The following NALF1 variants were observed in gnomAD, a reference collection of about 807,000 sequenced individuals.
NALF1 encodes family with sequence similarity 155 member A.
In NALF1, 3 loss-of-function variants were observed where a neutral mutation model predicts 48.4. The observed-to-expected ratio is 0.06, with a 90% CI of 0.03 to 0.16. The LOEUF (loss-of-function observed/expected upper bound fraction) is 0.16, where lower values mean the gene tolerates loss of function less well. Ranked by LOEUF, NALF1 falls within the 10% of genes least tolerant of loss-of-function variation. The pLI is 1.00. For synonymous variants in NALF1, 262 were observed against 245.7 expected (o/e 1.07, Z -0.62); for missense variants, 526 against 571.5 (o/e 0.92, Z 0.81).
chr13:107,626,794 A>G (rs1300088978), intron 1 of NALF1, among the ~76,000 whole-genome samples: 2 of 151,976 alleles, frequency 1.3e-5, no homozygotes, highest in African/African-American at 4.8e-5. Flanking sequence ...GGGTGGGAGG[A>G]GGAGACATGA....
At chr13:107,504,994 G>A (rs759467206) in intron 1 of NALF1, among the ~76,000 whole-genome samples, 1 of 152,180 alleles carries the variant, frequency 6.6e-6, no homozygotes, top group Non-Finnish European at 1.5e-5. Flanking sequence ...TGCTCTAGCA[G>A]GGAAAACAGA....
chr13:107,405,367 T>C (rs1883880556), intron 1 of NALF1, among the ~76,000 whole-genome samples: 1 of 152,128 alleles, frequency 6.6e-6, no homozygotes, highest in African/African-American at 2.4e-5. Context: ...CATCTCACTA[T>C]ATCCATTATT....
At chr13:107,484,001 A>G (rs1594087730) in intron 1 of NALF1, among the ~76,000 whole-genome samples, 1 of 152,096 alleles carries the variant, frequency 6.6e-6, no homozygotes. Context: ...TTTGAAGATT[A>G]AATGTTTTAT....
intron 1 of NALF1, among the ~76,000 whole-genome samples, chr13:107,575,800 T>C (rs1878123117): frequency 6.6e-6 from 1 of 152,144 alleles, no homozygotes; most frequent in South Asian, 2.1e-4. Flanking sequence ...TTACTTTTCA[T>C]CTGTAACATA....
At chr13:107,703,816 CT>C (rs1323010425) in intron 1 of NALF1, among the ~76,000 whole-genome samples, 1 of 152,186 alleles carries the variant, frequency 6.6e-6, no homozygotes, top group African/African-American at 2.4e-5. Context: ...GTGAAACCCC[CT>C]GTTCCCTACA....
chr13:107,511,266 G>A (rs896379686), intron 1 of NALF1, among the ~76,000 whole-genome samples: 14 of 152,160 alleles, frequency 9.2e-5, no homozygotes, highest in African/African-American at 3.4e-4. Context: ...AGTGTGACTA[G>A]ATCGTATTGT....
intron 1 of NALF1, among the ~76,000 whole-genome samples, chr13:107,497,430 A>G (rs1417821955): frequency 6.6e-6 from 1 of 152,156 alleles, no homozygotes; most frequent in Non-Finnish European, 1.5e-5. Flanking sequence ...TTCATTATGT[A>G]ATATTGCTGT....
chr13:107,203,006 A>G (rs1879553272), intron 2 of NALF1, among the ~76,000 whole-genome samples: 1 of 152,222 alleles, frequency 6.6e-6, no homozygotes, highest in African/African-American at 2.4e-5. Context: ...AGATTGACTG[A>G]ATCTATAATT....
At chr13:107,319,527 G>C (rs553986960) in intron 1 of NALF1, among the ~76,000 whole-genome samples, 35 of 152,018 alleles carry the variant, frequency 2.3e-4, no homozygotes, top group Non-Finnish European at 4.9e-4. Flanking sequence ...AATTAGATAT[G>C]AGAAGAAAGT....
chr13:107,644,963 T>C (rs983195012), intron 1 of NALF1, among the ~76,000 whole-genome samples: 4 of 152,074 alleles, frequency 2.6e-5, no homozygotes, highest in African/African-American at 7.2e-5. Context: ...CTTCTTGCTA[T>C]TTTGTGTATT....
At chr13:107,427,621 A>G (rs774247076) in intron 1 of NALF1, among the ~76,000 whole-genome samples, 4 of 152,332 alleles carry the variant, frequency 2.6e-5, no homozygotes, top group Non-Finnish European at 5.9e-5. Flanking sequence ...AATTTGAACA[A>G]AAGTTTGTGA....
At chr13:107,706,218 T>C (rs1295550388) in intron 1 of NALF1, among the ~76,000 whole-genome samples, 1 of 152,176 alleles carries the variant, frequency 6.6e-6, no homozygotes, top group Non-Finnish European at 1.5e-5. Flanking sequence ...ATGTCAAAAA[T>C]GCTTTTCCGC....
intron 1 of NALF1, among the ~76,000 whole-genome samples, chr13:107,312,822 A>G (rs1882073689): frequency 6.6e-6 from 1 of 152,192 alleles, no homozygotes; most frequent in South Asian, 2.1e-4. Context: ...AGTACTATGG[A>G]AAAATGTGAA....
At chr13:107,782,482 A>T (rs1327668059) in intron 1 of NALF1, among the ~76,000 whole-genome samples, 1 of 151,826 alleles carries the variant, frequency 6.6e-6, no homozygotes, top group Admixed American at 6.6e-5. Context: ...CACCCCGTCT[A>T]GGAAGTGAGG....
At chr13:107,383,937 G>C (rs1209444726) in intron 1 of NALF1, among the ~76,000 whole-genome samples, 1 of 152,136 alleles carries the variant, frequency 6.6e-6, no homozygotes, top group Non-Finnish European at 1.5e-5. Flanking sequence ...ACAAATTCAA[G>C]TTAAATGCAA....
At chr13:107,560,160 TCAAA>T (rs1434559136) in intron 1 of NALF1, among the ~76,000 whole-genome samples, 1 of 152,178 alleles carries the variant, frequency 6.6e-6, no homozygotes, top group Non-Finnish European at 1.5e-5. Context: ...CGTAGAATTT[TCAAA>T]CAGAGATAAT....
intron 1 of NALF1, among the ~76,000 whole-genome samples, chr13:107,436,900 G>C (rs1410571258): frequency 6.6e-6 from 1 of 152,006 alleles, no homozygotes; most frequent in Non-Finnish European, 1.5e-5. Flanking sequence ...TTTGTTTTAT[G>C]TACTAACAAT....
intron 1 of NALF1, among the ~76,000 whole-genome samples, chr13:107,505,375 G>T (rs1198854316): frequency 6.6e-6 from 1 of 152,136 alleles, no homozygotes; most frequent in Non-Finnish European, 1.5e-5. Flanking sequence ...GCTGTCAGAG[G>T]GTTTGAATCA....
intron 1 of NALF1, among the ~76,000 whole-genome samples, chr13:107,743,728 A>G (rs1299572567): frequency 6.6e-6 from 1 of 152,186 alleles, no homozygotes; most frequent in Non-Finnish European, 1.5e-5. Context: ...GAACACAGTG[A>G]GTGCTTCTGT....
Sources: gnomAD v4.1 joint callset for allele counts (sites outside exome capture counted in the v4.1 genomes callset) on GRCh38, gnomAD v4.1.1 for gene constraint, MANE v1.5 for transcripts, NCBI Gene and HGNC (gene_info 2026-07-23, HGNC 2026-07-21) for gene names.